PCDHA3: variants seen among roughly 807,000 people sequenced by gnomAD.
PCDHA3 encodes protocadherin alpha-3.
PCDHA3 carries 41 observed loss-of-function variants against 62.2 expected under a neutral mutation model. The ratio of observed to expected loss-of-function variants is 0.66; its 90% CI spans 0.51 to 0.86. The LOEUF is 0.86. Among genes scored for constraint, PCDHA3 ranks in the 40% least tolerant of loss-of-function variants. PCDHA3 has a pLI of 0.00. For missense variants in PCDHA3, 1,304 were observed against 1,241.2 expected (o/e 1.05, Z -0.76); for synonymous variants, 640 against 555.4 (o/e 1.15, Z -2.14).
chr5:140,926,358 A>C (rs1157995876), intron 1 of PCDHA3: 1 of 152,230 alleles, frequency 6.6e-6, no homozygotes, highest in Non-Finnish European at 1.5e-5. Context: ...CGGCTCCCAA[A>C]GGGCGGCAGG....
chr5:140,935,447 A>G (rs542363713), intron 1 of PCDHA3, among the ~76,000 whole-genome samples: 1 of 152,364 alleles, frequency 6.6e-6, no homozygotes, highest in South Asian at 2.1e-4. Flanking sequence ...AAATAATATG[A>G]TACTGTAGCA....
At chr5:140,902,313 C>T (rs2069368502) in intron 1 of PCDHA3, among the ~76,000 whole-genome samples, 1 of 150,820 alleles carries the variant, frequency 6.6e-6, no homozygotes, top group African/African-American at 2.4e-5. Context: ...GCTGGGATTA[C>T]AGGTGTAACT....
intron 1 of PCDHA3, among the ~76,000 whole-genome samples, chr5:140,891,204 C>T (rs2153433269): frequency 6.6e-6 from 1 of 152,078 alleles, no homozygotes; most frequent in South Asian, 2.1e-4. Flanking sequence ...GCAGTTTTAC[C>T]ATGCTGTGTC....
intron 3 of PCDHA3, among the ~76,000 whole-genome samples, chr5:140,989,274 G>A (rs3756325): frequency 0.3 from 45,270 of 152,016 alleles, 6,976 homozygotes; most frequent in East Asian, 0.43. Flanking sequence ...GTTTCTGCTG[G>A]GGACATCTCA....
intron 1 of PCDHA3, chr5:140,930,355 C>G (rs1044171600): frequency 6.6e-6 from 1 of 151,448 alleles, no homozygotes; most frequent in Non-Finnish European, 1.5e-5. Context: ...TCAAATATTT[C>G]AATTTATCTG....
At position 140,849,867 on chromosome 5, in the gene PCDHA3, T is replaced by C. The variant is rs2150454998; in HGVS notation, c.2394+46276T>C. On this transcript the variant is annotated intron_variant, in intron 1 of 3. Coordinates refer to ENST00000522353, the MANE Select transcript of PCDHA3 (RefSeq NM_018906.3). ...CGACAACGCACCAGCGTTCGCGCAG[T>C]CCGAGTACACGGTGTTCGTGAAGGA... The C allele has an allele frequency of 6.1e-5, 97 of 1,598,416 alleles. 5 individuals carry two copies. Among genetic ancestry groups the C allele is most frequent in the Non-Finnish European group, 6.9e-5 (81 of 1,167,974 alleles).
intron 1 of PCDHA3, chr5:140,824,244 A>AC: frequency 6.8e-7 from 1 of 1,468,334 alleles, no homozygotes; most frequent in Non-Finnish European, 9.4e-7. Context: ...ATATTGTGGT[A>AC]CACAATTATT....
chr5:140,807,015 A>G (rs1763830402), intron 1 of PCDHA3: 2 of 792,008 alleles, frequency 2.5e-6, no homozygotes, highest in Non-Finnish European at 2.0e-6. Flanking sequence ...CACAAAATAC[A>G]TGAGAGAAGG....
At chr5:140,877,048 G>A (rs376952553) in intron 1 of PCDHA3, 2 of 1,612,558 alleles carry the variant, frequency 1.2e-6, no homozygotes, top group East Asian at 2.2e-5. Flanking sequence ...GCTAGACCAC[G>A]AGGAGCTGGA....
chr5:140,946,828 G>A (rs246052), intron 1 of PCDHA3, among the ~76,000 whole-genome samples: 84,737 of 150,610 alleles, frequency 0.56, 24,429 homozygotes, highest in African/African-American at 0.69. Context: ...CCAGAGATGG[G>A]TAGGGCAGTA....
chr5:140,851,967 A>G, intron 1 of PCDHA3: 1 of 977,046 alleles, frequency 1.0e-6, no homozygotes, highest in Non-Finnish European at 1.2e-6. Flanking sequence ...GGTTTTCCAC[A>G]CTCTACCTTT....
chr5:140,828,800 G>T (rs2150159124), intron 1 of PCDHA3: 8 of 1,614,104 alleles, frequency 5.0e-6, no homozygotes, highest in Non-Finnish European at 6.8e-6. Context: ...GGATGTGAAT[G>T]ATAATGCTCC....
intron 1 of PCDHA3, among the ~76,000 whole-genome samples, chr5:140,951,626 C>T (rs1182328214): frequency 3.3e-5 from 5 of 152,062 alleles, no homozygotes; most frequent in African/African-American, 4.8e-5. Context: ...AAGGGGGAAA[C>T]CTGCCCCATG....
intron 1 of PCDHA3, chr5:140,868,837 C>A (rs543405019): frequency 2.7e-4 from 116 of 427,288 alleles, no homozygotes; most frequent in Non-Finnish European, 3.6e-4. Context: ...AAACCCAAAA[C>A]ACGTGAAATT....
At chr5:140,863,220 G>C in intron 1 of PCDHA3, 1 of 1,115,318 alleles carries the variant, frequency 9.0e-7, no homozygotes, top group African/African-American at 1.6e-5. Flanking sequence ...GCCAAGCGAG[G>C]AAGGTCCCAT....
intron 1 of PCDHA3, among the ~76,000 whole-genome samples, chr5:140,910,613 C>T (rs1470911168): frequency 1.3e-5 from 2 of 152,192 alleles, no homozygotes; most frequent in Admixed American, 1.3e-4. Context: ...ACTGACTAAT[C>T]CACTCCACCA....
chr5:140,801,975 C>A lies in PCDHA3; in HGVS notation c.778C>A (p.Leu260Ile). Residue 260 changes from leucine to isoleucine, a missense_variant, in exon 1 of 4, where the codon CTA becomes ATA. Coordinates refer to ENST00000522353, the MANE Select transcript of PCDHA3 (RefSeq NM_018906.3). ...RLLENAPNGT[L>I]VVTVNATDLD... is the part of the protein sequence containing the mutation. ...ACTCGAAAATGCACCAAATGGTACC[C>A]TAGTGGTGACCGTTAACGCCACCGA... 2 of 1,614,164 alleles carry A rather than the reference C, an allele frequency of 1.2e-6. No homozygotes were observed. Among genetic ancestry groups the A allele is most frequent in the Non-Finnish European group, 1.7e-6 (2 of 1,180,032 alleles).
At chr5:140,835,493 A>G in intron 1 of PCDHA3, 1 of 1,613,914 alleles carries the variant, frequency 6.2e-7, no homozygotes, top group Admixed American at 1.7e-5. Context: ...CCGTCATCAC[A>G]TTGATTAGCG....
rs1195696269 is a variant in PCDHA3, at chr5:141,010,821, TTTG to T, written c.*890_*892del. ...AACCCCGACACCTCACCTTTCGCTG[TTTG>T]TTGTTTCATAGATTTATTTAAAAAA... is the stretch of plus-strand genomic sequence containing the variant. On this transcript the variant is annotated 3_prime_UTR_variant, in exon 4 of 4. Coordinates refer to ENST00000522353, the MANE Select transcript of PCDHA3 (RefSeq NM_018906.3). 3 of 153,772 alleles carry T rather than the reference TTTG, an allele frequency of 2.0e-5. No individual in the cohort carries two copies. The highest frequency in any genetic ancestry group is 4.4e-5 in the Non-Finnish European group (3 of 68,048). 9.5% of individuals were successfully genotyped at this position (153,772 alleles called of 1,614,324 possible).
Sources: allele counts gnomAD v4.1 joint callset (sites outside exome capture counted in the v4.1 genomes callset), GRCh38; gene constraint gnomAD v4.1.1; transcripts MANE v1.5; gene names NCBI Gene and HGNC (gene_info 2026-07-23, HGNC 2026-07-21).